Variants in TNRC6A observed in about 807,000 individuals in gnomAD.
The protein encoded by TNRC6A is trinucleotide repeat-containing gene 6A protein.
In TNRC6A, 44 loss-of-function variants were observed where a neutral mutation model predicts 221.2. The ratio of observed to expected loss-of-function variants is 0.20; its 90% CI spans 0.16 to 0.26. The LOEUF (loss-of-function observed/expected upper bound fraction) is 0.26, where lower values mean the gene tolerates loss of function less well. TNRC6A is among the 10% of genes least tolerant of loss of function. The pLI is 1.00. For missense variants in TNRC6A, 2,199 were observed against 2,404.4 expected, an observed-to-expected ratio of 0.91 and a Z score of 1.79; for synonymous variants, 847 against 838.5, an observed-to-expected ratio of 1.01 and a Z score of -0.18.
chr16:24,643,712 C>T (rs920057685), intron 2 of TNRC6A, among the ~76,000 whole-genome samples: 1 of 152,132 alleles, frequency 6.6e-6, no homozygotes, highest in Non-Finnish European at 1.5e-5. Flanking sequence ...TCCACCACCC[C>T]TCCCCGCCGC....
chr16:24,657,317 C>CAAAAAAAAAAAAAAAAAAAAA (rs56241898), intron 2 of TNRC6A, among the ~76,000 whole-genome samples: 3 of 88,172 alleles, frequency 3.4e-5, no homozygotes, highest in African/African-American at 5.1e-5. Flanking sequence ...GACCCTATCT[C>CAAAAAAAAAAAAAAAAAAAAA]AAAAAAAAAA....
chr16:24,708,796 G>A (rs1046618746), intron 2 of TNRC6A, among the ~76,000 whole-genome samples: 4 of 152,018 alleles, frequency 2.6e-5, no homozygotes, highest in South Asian at 2.1e-4. Flanking sequence ...AATGGCCTTC[G>A]GTTCCAACCA....
chr16:24,642,461 G>A (rs1466605877), intron 2 of TNRC6A, among the ~76,000 whole-genome samples: 1 of 152,042 alleles, frequency 6.6e-6, no homozygotes, highest in Non-Finnish European at 1.5e-5. Context: ...CATCAAATAG[G>A]GACAAAGGCA....
intron 1 of TNRC6A, among the ~76,000 whole-genome samples, chr16:24,613,438 CATTTTATTTTATTTTATTTTATTTT>C (rs869133147): frequency 0.13 from 14,235 of 106,996 alleles, 1,358 homozygotes; most frequent in Middle Eastern, 0.17. Context: ...ACTATTAAAG[CATTTTATTTTATTTTATTTTATTTT>C]ATTTTATTTT....
At chr16:24,784,282 G>T (rs1430949306) in intron 5 of TNRC6A, among the ~76,000 whole-genome samples, 1 of 152,108 alleles carries the variant, frequency 6.6e-6, no homozygotes, top group African/African-American at 2.4e-5. Flanking sequence ...GATTATAGGA[G>T]TGAGCCACTG....
intron 1 of TNRC6A, among the ~76,000 whole-genome samples, chr16:24,631,244 C>G (rs1901322007): frequency 1.3e-5 from 1 of 76,600 alleles, no homozygotes; most frequent in South Asian, 3.7e-4. Flanking sequence ...TACTTTTGGC[C>G]CATGCCCTAC....
At chr16:24,629,214 T>G (rs12447908) in intron 1 of TNRC6A, among the ~76,000 whole-genome samples, 64,051 of 151,928 alleles carry the variant, frequency 0.42, 13,732 homozygotes, top group Middle Eastern at 0.51. Flanking sequence ...TTAACATCAC[T>G]TAAAAGCCTG....
intron 2 of TNRC6A, among the ~76,000 whole-genome samples, chr16:24,744,501 A>C (rs537610502): frequency 2.0e-5 from 3 of 152,112 alleles, no homozygotes; most frequent in African/African-American, 4.8e-5. Context: ...CACTCACTCA[A>C]TCATTCATTC....
intron 2 of TNRC6A, among the ~76,000 whole-genome samples, chr16:24,734,189 GAGAA>G (rs1475064953): frequency 6.6e-6 from 1 of 151,858 alleles, no homozygotes; most frequent in African/African-American, 2.4e-5. Flanking sequence ...CAAAAAGAGA[GAGAA>G]AGGAAAAAAA....
chr16:24,757,316 C>T (rs1486298461), intron 3 of TNRC6A, among the ~76,000 whole-genome samples: 1 of 152,104 alleles, frequency 6.6e-6, no homozygotes, highest in Admixed American at 6.6e-5. Flanking sequence ...AGCTTTTACC[C>T]ATATATCTAT....
chr16:24,748,073 A>C (rs539803211), intron 2 of TNRC6A, among the ~76,000 whole-genome samples: 1 of 152,286 alleles, frequency 6.6e-6, no homozygotes, highest in East Asian at 1.9e-4. Context: ...GGTGCCACTG[A>C]GGACTGGTGA....
At chr16:24,702,641 C>G (rs1351820683) in intron 2 of TNRC6A, among the ~76,000 whole-genome samples, 1 of 152,110 alleles carries the variant, frequency 6.6e-6, no homozygotes, top group African/African-American at 2.4e-5. Flanking sequence ...TGGCTGGGCA[C>G]GGTGACACCT....
rs12599269 is a variant in TNRC6A, at chr16:24,815,770, G to C, written c.4831+465G>C. 1.0e-3 allele frequency: 176 copies of C among 170,818 alleles called. 5 individuals carry two copies. The East Asian group carries it at 0.025, about 24-fold the overall frequency. 10.6% of individuals were successfully genotyped at this position (170,818 alleles called of 1,614,324 possible). A position where few individuals can be genotyped will look rare whatever the true frequency, so the allele number is the denominator to read the frequency against. ...CAGGAGGCTGAGGCAGGAGAATGGC[G>C]TGAACCCGGGAGGCAGAGCTTGCAG... On this transcript the variant is annotated intron_variant, in intron 19 of 24. Coordinates refer to ENST00000395799, the MANE Select transcript of TNRC6A (RefSeq NM_014494.4).
rs2056573095 is a variant in TNRC6A, at chr16:24,729,712, C to T, written c.-130C>T. ...GCGGCGGCGGCGGCGGCGGCGGCGGCGGCGGCAGCGGGTCGGTGTAGAAAA... is the reference window on the plus strand; with the variant it reads ...GCGGCGGCGGCGGCGGCGGCGGCGGTGGCGGCAGCGGGTCGGTGTAGAAAA... On this transcript the variant is annotated 5_prime_UTR_variant, in exon 1 of 25. Transcript: ENST00000395799. The T allele has an allele frequency of 9.0e-7, 1 of 1,116,208 alleles. No individual in the cohort carries two copies. Among genetic ancestry groups the T allele is most frequent in the Non-Finnish European group, 1.2e-6 (1 of 868,372 alleles). The allele number at this position is 1,116,208 out of a possible 1,614,324, so 69.1% of individuals were successfully genotyped here.
intron 2 of TNRC6A, among the ~76,000 whole-genome samples, chr16:24,735,537 T>C (rs1181954984): frequency 2.0e-5 from 3 of 152,246 alleles, no homozygotes; most frequent in Non-Finnish European, 4.4e-5. Context: ...ATATGCTTTT[T>C]TTCCAGCTTA....
upstream of TNRC6A, among the ~76,000 whole-genome samples, chr16:24,727,946 T>C (rs1293520934): frequency 6.6e-6 from 1 of 152,066 alleles, no homozygotes; most frequent in Non-Finnish European, 1.5e-5. Context: ...CAAAAAAGTG[T>C]TTTTTATATG....
chr16:24,705,441 C>T (rs1266369740), intron 2 of TNRC6A, among the ~76,000 whole-genome samples: 1 of 152,064 alleles, frequency 6.6e-6, no homozygotes, highest in Non-Finnish European at 1.5e-5. Context: ...CAGTGATTCT[C>T]CTGCCTCAGC....
chr16:24,806,122 G>A (rs2058426864), intron 15 of TNRC6A, 84 bp from the exon 16 acceptor site: 1 of 1,502,516 alleles, frequency 6.7e-7, no homozygotes, highest in African/African-American at 1.4e-5. Context: ...TCGTGCCTCT[G>A]TAGGTCCATC....
chr16:24,628,082 A>G (rs762995411), intron 1 of TNRC6A, among the ~76,000 whole-genome samples: 14 of 152,074 alleles, frequency 9.2e-5, no homozygotes, highest in Non-Finnish European at 1.9e-4. Context: ...TGCTTAAACA[A>G]CATGGGTTTG....
Sources: gnomAD v4.1 joint callset for allele counts (sites outside exome capture counted in the v4.1 genomes callset) on GRCh38, gnomAD v4.1.1 for gene constraint, MANE v1.5 for transcripts, NCBI Gene and HGNC (gene_info 2026-07-23, HGNC 2026-07-21) for gene names.